The following PDCD1LG2 variants were observed in gnomAD, a reference collection of about 807,000 sequenced individuals.
PDCD1LG2 encodes B7 dendritic cell molecule.
Under a neutral mutation model 28.2 loss-of-function variants are expected in PDCD1LG2, and 32 were observed. The observed-to-expected ratio is 1.13, with a 90% CI of 0.86 to 1.52. The LOEUF (loss-of-function observed/expected upper bound fraction) is 1.52. Ranked by LOEUF, PDCD1LG2 falls within the 40% of genes most tolerant of loss-of-function variation. PDCD1LG2 has a pLI of 0.00. For synonymous variants in PDCD1LG2, 116 were observed against 120.2 expected (o/e 0.97, Z 0.23); for missense variants, 385 against 323.8 (o/e 1.19, Z -1.45).
chr9:5,512,028 CAGGGG>C (rs1820069876), intron 1 of PDCD1LG2, among the ~76,000 whole-genome samples: 1 of 152,080 alleles, frequency 6.6e-6, no homozygotes, highest in Non-Finnish European at 1.5e-5. Context: ...GTGTAATGGA[CAGGGG>C]GAAGTTTGAG....
intron 1 of PDCD1LG2, among the ~76,000 whole-genome samples, chr9:5,517,819 A>C (rs992305274): frequency 6.6e-6 from 1 of 152,234 alleles, no homozygotes. Context: ...AGAGTGAGAA[A>C]AGAAAGGACT....
At chr9:5,513,654 T>C (rs994038240) in intron 1 of PDCD1LG2, among the ~76,000 whole-genome samples, 1 of 152,198 alleles carries the variant, frequency 6.6e-6, no homozygotes, top group Non-Finnish European at 1.5e-5. Flanking sequence ...TTAAATTGAG[T>C]AGAATAGCAT....
At chr9:5,547,550 G>A (rs1462112960) in intron 3 of PDCD1LG2, among the ~76,000 whole-genome samples, 4 of 152,136 alleles carry the variant, frequency 2.6e-5, no homozygotes, top group Admixed American at 6.5e-5. Context: ...AGGTTGTAAT[G>A]TTTTATTTTA....
chr9:5,553,013 A>G (rs1181291889), intron 4 of PDCD1LG2, among the ~76,000 whole-genome samples: 2 of 152,188 alleles, frequency 1.3e-5, no homozygotes, highest in Non-Finnish European at 2.9e-5. Flanking sequence ...AGGCCAAGGC[A>G]GGAGGATCAC....
intron 1 of PDCD1LG2, among the ~76,000 whole-genome samples, chr9:5,514,375 G>A (rs142062148): frequency 8.7e-4 from 133 of 152,204 alleles, no homozygotes; most frequent in African/African-American, 2.9e-3. Context: ...CAGTAGAAAT[G>A]GCAAGAAACT....
intron 6 of PDCD1LG2, among the ~76,000 whole-genome samples, chr9:5,568,693 G>A (rs1198413741): frequency 6.6e-6 from 1 of 152,196 alleles, no homozygotes; most frequent in Non-Finnish European, 1.5e-5. Context: ...CCCATGTCAG[G>A]CAACTTCACA....
chr9:5,550,657 T>C (rs1197713730), intron 4 of PDCD1LG2, among the ~76,000 whole-genome samples: 1 of 151,568 alleles, frequency 6.6e-6, no homozygotes, highest in Non-Finnish European at 1.5e-5. Flanking sequence ...AGCAACCCTA[T>C]CATTCAGCCT....
rs2129922664 is a variant in PDCD1LG2, at chr9:5,557,746, T to C, written c.760T>C (p.Ser254Pro). 6.2e-7 allele frequency: 1 copy of C among 1,613,962 alleles called. No homozygotes were observed. Among genetic ancestry groups the C allele is most frequent in the Non-Finnish European group, 8.5e-7 (1 of 1,179,866 alleles). ...RKQLCQKLYS[S>P]KDTTKRPVTT... The stretch of plus-strand genomic sequence containing the variant: ...ACAACTCTGTCAAAAGCTGTATTCT[T>C]CAAAAGGTAAGTGAGTTTTATTCAT... The change falls in exon 5 of 7, where the codon TCA becomes CCA. Residue 254 changes from serine to proline, a missense_variant. Ser to Pro is a moderately conservative substitution (Grantham distance 74, BLOSUM62 -1). Coordinates refer to ENST00000397747, the MANE Select transcript of PDCD1LG2 (RefSeq NM_025239.4).
At chr9:5,550,605 T>C (rs1816309831) in intron 4 of PDCD1LG2, among the ~76,000 whole-genome samples, 1 of 152,136 alleles carries the variant, frequency 6.6e-6, no homozygotes, top group Non-Finnish European at 1.5e-5. Flanking sequence ...AGAGGCCACC[T>C]GCATTAATTG....
At chr9:5,518,844 G>A (rs912025277) in intron 1 of PDCD1LG2, among the ~76,000 whole-genome samples, 2 of 152,152 alleles carry the variant, frequency 1.3e-5, no homozygotes, top group Non-Finnish European at 2.9e-5. Flanking sequence ...TGCTTGTCAG[G>A]ATCATCCATG....
intron 6 of PDCD1LG2, among the ~76,000 whole-genome samples, chr9:5,564,628 GT>G (rs1210547279): frequency 6.6e-6 from 1 of 152,154 alleles, no homozygotes; most frequent in African/African-American, 2.4e-5. Flanking sequence ...CCCAAACACT[GT>G]TTTCATCATC....
chr9:5,531,343 A>G (rs1820480283), intron 2 of PDCD1LG2, among the ~76,000 whole-genome samples: 1 of 152,222 alleles, frequency 6.6e-6, no homozygotes, highest in Non-Finnish European at 1.5e-5. Flanking sequence ...CTTATTTTGT[A>G]TGGAGTAATC....
intron 2 of PDCD1LG2, among the ~76,000 whole-genome samples, chr9:5,528,250 C>CATATTTTATATATTATATAT (rs930387471): frequency 6.8e-6 from 1 of 147,392 alleles, no homozygotes; most frequent in African/African-American, 2.5e-5. Flanking sequence ...ATATAATATA[C>CATATTTTATATATTATATAT]ATATTTTATA....
Position 5,570,533 on chromosome 9 carries a change from A to C in PDCD1LG2, c.*574A>C. ...TTGTTCTAATTAACAGAGAGCATTT[A>C]AATATACACTAAGTGCACAAATTGT... is the stretch of plus-strand genomic sequence containing the variant. On this transcript the variant is annotated 3_prime_UTR_variant, in exon 7 of 7. Transcript: ENST00000397747. 1 of 233,160 alleles carries C rather than the reference A, an allele frequency of 4.3e-6. No individual in the cohort carries two copies. Among genetic ancestry groups the C allele is most frequent in the Non-Finnish European group, 8.5e-6 (1 of 118,008 alleles). 14.4% of individuals were successfully genotyped at this position (233,160 alleles called of 1,614,324 possible). A position where few individuals can be genotyped will look rare whatever the true frequency, so the allele number is the denominator to read the frequency against.
At chr9:5,512,409 T>C (rs1417387511) in intron 1 of PDCD1LG2, among the ~76,000 whole-genome samples, 1 of 152,176 alleles carries the variant, frequency 6.6e-6, no homozygotes, top group African/African-American at 2.4e-5. Context: ...GTTCTTAGTC[T>C]TCACGGCTCC....
At chr9:5,559,173 C>A (rs573585054) in intron 5 of PDCD1LG2, among the ~76,000 whole-genome samples, 27 of 152,324 alleles carry the variant, frequency 1.8e-4, no homozygotes, top group Middle Eastern at 3.4e-3. Context: ...TCATCCTTCA[C>A]CCCAATCTTA....
chr9:5,534,064 A>G (rs1820532850), intron 2 of PDCD1LG2, among the ~76,000 whole-genome samples: 1 of 151,984 alleles, frequency 6.6e-6, no homozygotes. Context: ...TGGGCAAGTT[A>G]CTTAACCTTT....
chr9:5,565,415 C>T (rs1816645779), intron 6 of PDCD1LG2, among the ~76,000 whole-genome samples: 1 of 152,170 alleles, frequency 6.6e-6, no homozygotes, highest in Non-Finnish European at 1.5e-5. Flanking sequence ...AACTCCTCGG[C>T]TCAAGCAATC....
Position 5,563,142 on chromosome 9 carries a change from C to T in PDCD1LG2, c.767-20C>T, listed in dbSNP as rs1474893208. Reference sequence around the variant, plus strand: ...TTTTCTCATTAATCTTATTCCATTTCTGGAATTTTTCCTTTTCAGACACAA... The same window carrying T: ...TTTTCTCATTAATCTTATTCCATTTTTGGAATTTTTCCTTTTCAGACACAA... On this transcript the variant is annotated intron_variant, in intron 5 of 6. Coordinates refer to ENST00000397747, the MANE Select transcript of PDCD1LG2 (RefSeq NM_025239.4). The T allele has an allele frequency of 6.3e-7, 1 of 1,584,528 alleles. No homozygotes were observed. The highest frequency in any genetic ancestry group is 1.1e-5 in the South Asian group (1 of 90,140).
Sources: gnomAD v4.1 joint callset for allele counts (sites outside exome capture counted in the v4.1 genomes callset) on GRCh38, gnomAD v4.1.1 for gene constraint, MANE v1.5 for transcripts, NCBI Gene and HGNC (gene_info 2026-07-23, HGNC 2026-07-21) for gene names.